The following PLAT variants were observed in gnomAD, a reference collection of about 807,000 sequenced individuals.
PLAT encodes tissue-type plasminogen activator.
In PLAT, 48 loss-of-function variants were observed where a neutral mutation model predicts 74.9. That is an observed-to-expected ratio of 0.64 (90% CI 0.51 to 0.82). The LOEUF is 0.82. PLAT is among the 40% of genes least tolerant of loss of function. PLAT has a pLI of 0.00. For synonymous variants in PLAT, 307 were observed against 294.4 expected (o/e 1.04, Z -0.44); for missense variants, 673 against 736.2 (o/e 0.91, Z 0.99).
intron 1 of PLAT, among the ~76,000 whole-genome samples, chr8:42,205,296 G>A (rs1378491379): frequency 6.6e-6 from 1 of 152,188 alleles, no homozygotes; most frequent in Non-Finnish European, 1.5e-5. Flanking sequence ...GGGGGCCGAG[G>A]TGGGTGGATC....
chr8:42,180,491 T>G lies in PLAT; in HGVS notation c.1084A>C (p.Arg362=). 1.2e-6 allele frequency: 2 copies of G among 1,613,948 alleles called. No individual in the cohort carries two copies. The highest frequency in any genetic ancestry group is 1.7e-6 in the Non-Finnish European group (2 of 1,180,022). Residue 362 remains arginine (R), a splice_region_variant and synonymous_variant, in exon 10 of 14, where the codon AGG becomes CGG. Transcript: ENST00000220809. ...ILSAAHCFQE[R]FPPHHLTVIL... ...CCAACTGGGTTTCCGAGCCCCTACCTCTCCTGGAAGCAGTGGGCGGCAGAG... is the reference window on the plus strand; with the variant it reads ...CCAACTGGGTTTCCGAGCCCCTACCGCTCCTGGAAGCAGTGGGCGGCAGAG...
At chr8:42,181,685 G>A (rs1805245580) in intron 9 of PLAT, among the ~76,000 whole-genome samples, 1 of 152,222 alleles carries the variant, frequency 6.6e-6, no homozygotes, top group Non-Finnish European at 1.5e-5. Flanking sequence ...GCCGGGTAGA[G>A]CCTACTGACT....
At chr8:42,192,896 C>T (rs1805740188) in intron 2 of PLAT, among the ~76,000 whole-genome samples, 1 of 152,188 alleles carries the variant, frequency 6.6e-6, no homozygotes, top group Non-Finnish European at 1.5e-5. Context: ...AAATAAGTGC[C>T]TAGGGCCCAG....
rs1804970447 is a variant in PLAT, at chr8:42,176,234, A to T, written c.1531-83T>A. Reference sequence around the variant, plus strand: ...TCAGTATGTGTAGCATGAACATCGTAATCTTCAAAATACAGCAGGCCCTTC... The same window carrying T: ...TCAGTATGTGTAGCATGAACATCGTTATCTTCAAAATACAGCAGGCCCTTC... On this transcript the variant is annotated intron_variant, in intron 13 of 13. Coordinates refer to ENST00000220809, the MANE Select transcript of PLAT (RefSeq NM_000930.5). 6.3e-6 allele frequency: 6 copies of T among 945,620 alleles called. No homozygotes were observed. In the South Asian group the frequency reaches 6.5e-5, roughly 10 times the overall value. 58.6% of individuals were successfully genotyped at this position (945,620 alleles called of 1,614,324 possible).
rs578179757 is a variant in PLAT, at chr8:42,182,145, C to T, written c.804-123G>A. The T allele has an allele frequency of 7.7e-5, 47 of 610,038 alleles. No homozygotes were observed. In the African/African-American group the frequency reaches 8.3e-4, roughly 11 times the overall value. The allele number at this position is 610,038 out of a possible 1,614,324, so 37.8% of individuals were successfully genotyped here. A position where few individuals can be genotyped will look rare whatever the true frequency, so the allele number is the denominator to read the frequency against. On this transcript the variant is annotated intron_variant, in intron 8 of 13. Transcript: ENST00000220809. Reference sequence around the variant, plus strand: ...CTCCTGGGCTCAAGCAATCCTCCTGCCTCAGCCTCCCAAAGTGCTGGGATT... The same window carrying T: ...CTCCTGGGCTCAAGCAATCCTCCTGTCTCAGCCTCCCAAAGTGCTGGGATT...
In PLAT at chr8:42,202,960, T is replaced by C. The variant is rs534192171; in HGVS notation, c.-27+4534A>G. On this transcript the variant is annotated intron_variant, in intron 1 of 13. Transcript: ENST00000220809. ...GGGCCACAGCAAGCACAGAGCCCCC[T>C]ACCCATCAGCACAGCTCCCGACAGC... Among the ~76,000 whole-genome samples the C allele has an allele frequency of 3.9e-4, 59 of 152,232 alleles. No homozygotes were observed. The Middle Eastern group carries it at 0.01, about 26-fold the overall frequency.
intron 1 of PLAT, among the ~76,000 whole-genome samples, chr8:42,205,430 G>A (rs1806293016): frequency 2.0e-5 from 3 of 152,318 alleles, no homozygotes; most frequent in African/African-American, 2.4e-5. Flanking sequence ...AGAAGGCTGA[G>A]GCAGGAGAAT....
At chr8:42,201,075 C>T (rs7843406) in intron 1 of PLAT, among the ~76,000 whole-genome samples, 2 of 152,318 alleles carry the variant, frequency 1.3e-5, no homozygotes, top group Non-Finnish European at 2.9e-5. Context: ...GGTGATCTGT[C>T]CACCTTGGCC....
At chr8:42,193,669 T>G (rs1805772370) in intron 1 of PLAT, 1 of 156,668 alleles carries the variant, frequency 6.4e-6, no homozygotes, top group Non-Finnish European at 1.4e-5. Context: ...ACTGGTTTGT[T>G]TCACTTTGCA....
intron 4 of PLAT, 67 bp from the exon 5 acceptor site, chr8:42,188,083 G>A: frequency 1.1e-6 from 1 of 939,780 alleles, no homozygotes; most frequent in South Asian, 1.4e-5. Context: ...CATGGTTCCA[G>A]GAGCCCTGTC....
At chr8:42,187,606 G>A in intron 5 of PLAT, 34 bp from the exon 6 acceptor site, 2 of 1,547,290 alleles carry the variant, frequency 1.3e-6, no homozygotes, top group South Asian at 1.2e-5. Context: ...GCCTCACATG[G>A]GAGTCCCCTT....
At chr8:42,190,661 A>T (rs552380817) in intron 3 of PLAT, among the ~76,000 whole-genome samples, 1 of 152,100 alleles carries the variant, frequency 6.6e-6, no homozygotes, top group South Asian at 2.1e-4. Flanking sequence ...CCTTTTTAAC[A>T]CCTTCACAAA....
chr8:42,183,065 G>A (rs569006113), intron 7 of PLAT, among the ~76,000 whole-genome samples, 175 bp from the exon 8 acceptor site: 3 of 152,184 alleles, frequency 2.0e-5, no homozygotes, highest in South Asian at 4.2e-4. Flanking sequence ...AGTGCAATGC[G>A]CGATCTTGGC....
intron 1 of PLAT, among the ~76,000 whole-genome samples, chr8:42,195,888 C>T (rs1470207460): frequency 6.6e-6 from 1 of 152,180 alleles, no homozygotes. Context: ...GTGAATGAAA[C>T]AGCAAACGAG....
At chr8:42,194,238 G>GAGAGAGAGAGAT (rs1805814435) in intron 1 of PLAT, among the ~76,000 whole-genome samples, 1 of 58,796 alleles carries the variant, frequency 1.7e-5, no homozygotes, top group African/African-American at 5.2e-5. Context: ...GAGAGAGAGA[G>GAGAGAGAGAGAT]AGAGTGTGTG....
intron 1 of PLAT, among the ~76,000 whole-genome samples, chr8:42,205,567 T>C (rs1460328468): frequency 6.6e-6 from 1 of 152,114 alleles, no homozygotes; most frequent in Admixed American, 6.6e-5. Flanking sequence ...AAGGCATAAG[T>C]GACTCTTCCT....
chr8:42,182,714 C>T lies in PLAT; in HGVS notation c.803+5G>A, dbSNP rs1449318322. ...ACCTGAACCCCCCACCCCTGTGCTA[C>T]CTACCGGCAGTAATTATGTTTGCCC... On this transcript the variant is annotated splice_donor_5th_base_variant and intron_variant, in intron 8 of 13. Coordinates refer to ENST00000220809, the MANE Select transcript of PLAT (RefSeq NM_000930.5). The T allele has an allele frequency of 1.4e-5, 22 of 1,600,232 alleles. No individual in the cohort carries two copies. The highest frequency in any genetic ancestry group is 1.9e-5 in the Non-Finnish European group (22 of 1,173,246).
At chr8:42,184,760 C>A in intron 7 of PLAT, 1 of 161,834 alleles carries the variant, frequency 6.2e-6, no homozygotes, top group Admixed American at 7.1e-5. Flanking sequence ...AAGCCCCATT[C>A]ACCCATTAAT....
chr8:42,183,230 T>A (rs2129721615), intron 7 of PLAT, among the ~76,000 whole-genome samples: 1 of 152,292 alleles, frequency 6.6e-6, no homozygotes, highest in Middle Eastern at 3.4e-3. Context: ...CTTGAACTCC[T>A]AACATCAGGT....
Sources: allele counts gnomAD v4.1 joint callset (sites outside exome capture counted in the v4.1 genomes callset), GRCh38; gene constraint gnomAD v4.1.1; transcripts MANE v1.5; gene names NCBI Gene and HGNC (gene_info 2026-07-23, HGNC 2026-07-21).